IL1RL1: variants seen among roughly 807,000 people sequenced by gnomAD.
IL1RL1 encodes the protein interleukin 1 receptor like 1, also known as interleukin-1 receptor-like 1.
In IL1RL1, 32 loss-of-function variants were observed where a neutral mutation model predicts 50.9. That is an observed-to-expected ratio of 0.63 (90% CI 0.47 to 0.84). The LOEUF is 0.84. Ranked by LOEUF, IL1RL1 falls within the 40% of genes least tolerant of loss-of-function variation. IL1RL1 has a pLI of 0.00. For synonymous variants in IL1RL1, 275 were observed against 236.0 expected, an observed-to-expected ratio of 1.17 and a Z score of -1.51; for missense variants, 773 against 662.9, an observed-to-expected ratio of 1.17 and a Z score of -1.82.
intron 1 of IL1RL1, among the ~76,000 whole-genome samples, chr2:102,330,647 A>G (rs914019087): frequency 6.6e-6 from 1 of 152,162 alleles, no homozygotes; most frequent in Non-Finnish European, 1.5e-5. Context: ...AAATTGGGCT[A>G]TTTTATCTTT....
chr2:102,330,356 G>A (rs1246699581), intron 1 of IL1RL1, among the ~76,000 whole-genome samples: 2 of 144,948 alleles, frequency 1.4e-5, no homozygotes, highest in East Asian at 2.4e-4. Flanking sequence ...GGGGGGAGGG[G>A]GGAGGCATAG....
At chr2:102,345,501 G>A (rs945103324) in intron 8 of IL1RL1, 9 of 985,304 alleles carry the variant, frequency 9.1e-6, no homozygotes, top group African/African-American at 1.7e-5. Flanking sequence ...TAAACCCTGA[G>A]TTCCCACCCA....
rs143476400 is a variant in IL1RL1, at chr2:102,339,562, C to A, written c.272+515C>A. ...ACACAAAATGTCAAATGAATTAAAT[C>A]AAAAAGCAGGATGTATTAGTTAAGG... is the stretch of plus-strand genomic sequence containing the variant. On this transcript the variant is annotated intron_variant, in intron 3 of 10. Transcript: ENST00000233954. 301 of 155,546 alleles carry A rather than the reference C, an allele frequency of 1.9e-3. 2 individuals carry two copies. Among genetic ancestry groups the A allele is most frequent in the African/African-American group, 6.9e-3 (287 of 41,570 alleles). The allele number at this position is 155,546 out of a possible 1,614,324, so 9.6% of individuals were successfully genotyped here.
intron 1 of IL1RL1, among the ~76,000 whole-genome samples, chr2:102,332,665 A>C (rs1452508892): frequency 6.6e-6 from 1 of 152,146 alleles, no homozygotes; most frequent in African/African-American, 2.4e-5. Flanking sequence ...AAGAGGAAGA[A>C]TGGGGACTTC....
intron 1 of IL1RL1, among the ~76,000 whole-genome samples, chr2:102,323,388 G>A (rs1676896603): frequency 6.6e-6 from 1 of 151,696 alleles, no homozygotes; most frequent in South Asian, 2.1e-4. Context: ...ATACTCCATT[G>A]GCTTTGTTTT....
At chr2:102,346,421 C>A (rs1164799373) in intron 8 of IL1RL1, among the ~76,000 whole-genome samples, 1 of 152,190 alleles carries the variant, frequency 6.6e-6, no homozygotes, top group Non-Finnish European at 1.5e-5. Flanking sequence ...TATGTGTATA[C>A]AGAAAGTAAT....
intron 3 of IL1RL1, 78 bp from the exon 4 acceptor site, chr2:102,340,020 T>C: frequency 1.3e-6 from 1 of 782,944 alleles, no homozygotes; most frequent in Non-Finnish European, 1.9e-6. Context: ...AAAAGCAATA[T>C]TAAGTAAAGG....
chr2:102,348,138 A>G lies in IL1RL1; in HGVS notation c.1117+47A>G, dbSNP rs766208657. 2.7e-6 allele frequency: 4 copies of G among 1,498,268 alleles called. No individual in the cohort carries two copies. The South Asian group carries it at 4.7e-5, about 18-fold the overall frequency. 92.8% of individuals were successfully genotyped at this position (1,498,268 alleles called of 1,614,324 possible). On this transcript the variant is annotated intron_variant, in intron 9 of 10. Transcript: ENST00000233954. ...TTTCTCCCAAAGAAAAAGTCCCATAATAACTGTTGGTTACCTGTCTATTAA... is the reference window on the plus strand; with the variant it reads ...TTTCTCCCAAAGAAAAAGTCCCATAGTAACTGTTGGTTACCTGTCTATTAA...
intron 5 of IL1RL1, 93 bp downstream of exon 5, chr2:102,340,921 C>G (rs1411379079): frequency 1.0e-6 from 1 of 956,942 alleles, no homozygotes; most frequent in Non-Finnish European, 1.5e-6. Context: ...TTGCACTTCT[C>G]CCTCCTCCCT....
intron 1 of IL1RL1, among the ~76,000 whole-genome samples, chr2:102,327,742 C>A (rs7590128): frequency 0.014 from 2,081 of 152,286 alleles, 52 homozygotes; most frequent in African/African-American, 0.048. Flanking sequence ...TGCAAATAAA[C>A]TAGAAAATCT....
intron 1 of IL1RL1, among the ~76,000 whole-genome samples, chr2:102,326,859 C>T (rs891667116): frequency 6.6e-6 from 1 of 152,062 alleles, no homozygotes; most frequent in Non-Finnish European, 1.5e-5. Flanking sequence ...TAAAGCAAGT[C>T]CTTAGAGATC....
intron 1 of IL1RL1, among the ~76,000 whole-genome samples, chr2:102,329,326 A>G (rs1392865081): frequency 1.3e-5 from 2 of 152,218 alleles, no homozygotes; most frequent in Admixed American, 6.5e-5. Flanking sequence ...TACACCTTAT[A>G]CAAAAATTAA....
intron 10 of IL1RL1, among the ~76,000 whole-genome samples, chr2:102,350,231 T>C (rs1324053665): frequency 6.6e-6 from 1 of 152,258 alleles, no homozygotes; most frequent in African/African-American, 2.4e-5. Flanking sequence ...ATATTACAAA[T>C]GTACTCAAGA....
At chr2:102,342,046 C>CGT (rs67962088) in intron 5 of IL1RL1, among the ~76,000 whole-genome samples, 177 bp from the exon 6 acceptor site, 5,957 of 144,028 alleles carry the variant, frequency 0.041, 186 homozygotes, top group African/African-American at 0.093. Flanking sequence ...CTTTCTGTTT[C>CGT]GTGTGTGTGT....
chr2:102,327,493 A>G (rs1287622190), intron 1 of IL1RL1, among the ~76,000 whole-genome samples: 2 of 152,212 alleles, frequency 1.3e-5, no homozygotes, highest in Non-Finnish European at 2.9e-5. Flanking sequence ...AAGGCAAGAA[A>G]TAACTAAGAT....
intron 1 of IL1RL1, among the ~76,000 whole-genome samples, 152 bp downstream of exon 1, chr2:102,311,775 AATTG>A (rs1440301212): frequency 8.5e-6 from 1 of 117,782 alleles, no homozygotes; most frequent in Non-Finnish European, 1.7e-5. Flanking sequence ...TATAATATAT[AATTG>A]TTATAACATT....
intron 8 of IL1RL1, chr2:102,343,812 G>T (rs565902766): frequency 9.6e-7 from 1 of 1,045,960 alleles, no homozygotes; most frequent in Non-Finnish European, 1.2e-6. Flanking sequence ...AGCATGGTCC[G>T]TTCTATACCT....
At chr2:102,350,261 G>T (rs1573164767) in intron 10 of IL1RL1, among the ~76,000 whole-genome samples, 1 of 152,228 alleles carries the variant, frequency 6.6e-6, no homozygotes, top group Non-Finnish European at 1.5e-5. Context: ...GACTCCTGTT[G>T]TTTGTGAGCT....
At chr2:102,326,679 CA>C (rs146644203) in intron 1 of IL1RL1, among the ~76,000 whole-genome samples, 79,731 of 151,178 alleles carry the variant, frequency 0.53, 21,236 homozygotes, top group Middle Eastern at 0.65. Flanking sequence ...AAATGGAAAA[CA>C]AAAAAAAGGC....
Sources: allele counts gnomAD v4.1 joint callset (sites outside exome capture counted in the v4.1 genomes callset), GRCh38; gene constraint gnomAD v4.1.1; transcripts MANE v1.5; gene names NCBI Gene and HGNC (gene_info 2026-07-23, HGNC 2026-07-21).